MID2: variants seen among roughly 807,000 people sequenced by gnomAD.
MID2 encodes midline 2.
In MID2, 13 loss-of-function variants were observed where a neutral mutation model predicts 46.1. That is an observed-to-expected ratio of 0.28 (90% CI 0.18 to 0.45). The LOEUF (loss-of-function observed/expected upper bound fraction) is 0.45, where lower values mean the gene tolerates loss of function less well. MID2 is among the 20% of genes least tolerant of loss of function. The pLI, the probability that MID2 is intolerant of heterozygous loss-of-function variation, is 1.00. For missense variants in MID2, 431 were observed against 575.4 expected (o/e 0.75, Z 2.57); for synonymous variants, 199 against 212.3 (o/e 0.94, Z 0.55).
chrX:107,905,709 T>A, intron 5 of MID2, 83 bp downstream of exon 5: 1 of 820,916 alleles, frequency 1.2e-6, no homozygotes, highest in East Asian at 3.3e-5. Flanking sequence ...GGCATGTATC[T>A]AACAGCTGCC....
chrX:107,854,878 A>C (rs947330648), intron 3 of MID2, among the ~76,000 whole-genome samples, 174 bp downstream of exon 3: 4 of 111,973 alleles, frequency 3.6e-5, no homozygotes, highest in African/African-American at 1.3e-4. Context: ...TCAGAAACCT[A>C]TGGTTTAAAA....
At chrX:107,879,556 G>C (rs747639196) in intron 3 of MID2, among the ~76,000 whole-genome samples, 8 of 111,797 alleles carry the variant, frequency 7.2e-5, no homozygotes, top group African/African-American at 2.6e-4. Flanking sequence ...TGGGCACAGG[G>C]TGGTGGGCAG....
At chrX:107,853,815 C>T (rs1271974094) in intron 2 of MID2, among the ~76,000 whole-genome samples, 1 of 111,751 alleles carries the variant, frequency 8.9e-6, no homozygotes, top group Non-Finnish European at 1.9e-5. Flanking sequence ...TGCAGCAAAA[C>T]TGTGACTGAG....
At chrX:107,870,398 T>A (rs192622465) in intron 3 of MID2, among the ~76,000 whole-genome samples, 1 of 110,781 alleles carries the variant, frequency 9.0e-6, no homozygotes, top group African/African-American at 3.3e-5. Context: ...TGTGTGAGAA[T>A]GATTTGTTCT....
chrX:107,827,762 C>A (rs948743796), intron 1 of MID2, among the ~76,000 whole-genome samples: 1 of 97,435 alleles, frequency 1.0e-5, no homozygotes, highest in African/African-American at 3.7e-5. Flanking sequence ...ACCCTCACAT[C>A]CCCCTGTCTG....
At chrX:107,894,017 C>T (rs1470232745) in intron 3 of MID2, among the ~76,000 whole-genome samples, 2 of 108,767 alleles carry the variant, frequency 1.8e-5, no homozygotes, top group East Asian at 5.6e-4. Context: ...TCAGCCTTCA[C>T]CTCCTTTAAG....
chrX:107,882,730 T>C (rs1311102984), intron 3 of MID2, among the ~76,000 whole-genome samples: 2 of 111,657 alleles, frequency 1.8e-5, no homozygotes, highest in Non-Finnish European at 3.8e-5. Flanking sequence ...TGTGGAGAAA[T>C]AGGAACACTT....
intron 1 of MID2, among the ~76,000 whole-genome samples, chrX:107,837,021 A>G (rs918724784): frequency 9.9e-5 from 11 of 111,499 alleles, no homozygotes; most frequent in African/African-American, 3.3e-4. Context: ...AAAAATGCAT[A>G]TATGACATAC....
At chrX:107,871,253 G>A (rs1322681491) in intron 3 of MID2, among the ~76,000 whole-genome samples, 1 of 111,770 alleles carries the variant, frequency 8.9e-6, no homozygotes, top group African/African-American at 3.3e-5. Context: ...TGGAGTGCAC[G>A]GGTGCTAGAA....
At chrX:107,867,013 G>A (rs1420136751) in intron 3 of MID2, among the ~76,000 whole-genome samples, 1 of 112,402 alleles carries the variant, frequency 8.9e-6, no homozygotes, top group East Asian at 2.8e-4. Context: ...GACTAGAGAG[G>A]CATGGAGGGA....
Position 107,924,318 on chromosome X carries a change from G to T in MID2, c.1436-25G>T, listed in dbSNP as rs776177397. 9 of 1,189,647 alleles carry T rather than the reference G, an allele frequency of 7.6e-6. No individual in the cohort carries two copies. In the Admixed American group the frequency reaches 1.8e-4, roughly 23 times the overall value. On this transcript the variant is annotated intron_variant, in intron 7 of 9. Coordinates refer to ENST00000262843, the MANE Select transcript of MID2 (RefSeq NM_012216.4). ...CTGTCTCTCTTACCTGCTGGTTAAT[G>T]TCCTTGTCTTTCCCCATGTTACAGG... is the stretch of plus-strand genomic sequence containing the variant.
intron 3 of MID2, among the ~76,000 whole-genome samples, chrX:107,877,908 T>C (rs1208272099): frequency 9.1e-6 from 1 of 109,877 alleles, no homozygotes; most frequent in Non-Finnish European, 1.9e-5. Flanking sequence ...ATGGGTCCTG[T>C]CAAACTTGCA....
Position 107,851,486 on chromosome X carries a change from G to A in MID2, c.721-3123G>A, listed in dbSNP as rs766822935. ...TTGGCCCAGACTTGCATTACCCTAC[G>A]GCCTTGAATAGTGCAGCCTTCTTCT... On this transcript the variant is annotated intron_variant, in intron 2 of 9. Coordinates refer to ENST00000262843, the MANE Select transcript of MID2 (RefSeq NM_012216.4). 5.8e-4 allele frequency among the ~76,000 whole-genome samples: 64 copies of A among 110,945 alleles called. No homozygotes were observed. In the Middle Eastern group the frequency reaches 0.014, roughly 24 times the overall value.
chrX:107,839,685 C>T (rs1931290359), intron 1 of MID2, among the ~76,000 whole-genome samples: 1 of 111,906 alleles, frequency 8.9e-6, no homozygotes, highest in South Asian at 3.7e-4. Context: ...ACCTCTTTTA[C>T]TCACTGATGC....
Position 107,917,660 on chromosome X carries a change from G to T in MID2, c.1356G>T (p.Trp452Cys). The T allele has an allele frequency of 8.3e-7, 1 of 1,212,042 alleles. No individual in the cohort carries two copies. The highest frequency in any genetic ancestry group is 1.1e-6 in the Non-Finnish European group (1 of 895,579). ...TGQANFISKS[W>C]CSWGLWPEIR... Reference sequence around the variant, plus strand: ...AGGCTAACTTCATCAGTAAGTCATGGTGTAGTTGGGGCCTGTGGCCAGAGA... The same window carrying T: ...AGGCTAACTTCATCAGTAAGTCATGTTGTAGTTGGGGCCTGTGGCCAGAGA... Residue 452 changes from tryptophan to cysteine, a missense_variant, in exon 7 of 10, where the codon TGG becomes TGT. Physicochemically the swap from Trp to Cys is radical, Grantham distance 215 (BLOSUM62 -2). Coordinates refer to ENST00000262843, the MANE Select transcript of MID2 (RefSeq NM_012216.4).
At chrX:107,914,629 A>C (rs1932940673) in intron 5 of MID2, among the ~76,000 whole-genome samples, 1 of 112,155 alleles carries the variant, frequency 8.9e-6, no homozygotes, top group Non-Finnish European at 1.9e-5. Context: ...ATTATTGCCA[A>C]GTGAATTTTT....
intron 8 of MID2, among the ~76,000 whole-genome samples, chrX:107,925,396 C>G (rs1301485853): frequency 8.9e-6 from 1 of 112,091 alleles, no homozygotes; most frequent in African/African-American, 3.2e-5. Flanking sequence ...AGCAACTGGT[C>G]CCTCAGTAAC....
intron 1 of MID2, among the ~76,000 whole-genome samples, chrX:107,834,282 A>C (rs990946459): frequency 3.6e-5 from 4 of 112,220 alleles, no homozygotes; most frequent in Non-Finnish European, 7.5e-5. Context: ...TATATATGGC[A>C]GTAACTAAAT....
intron 1 of MID2, among the ~76,000 whole-genome samples, chrX:107,834,519 A>G (rs1007624593): frequency 8.9e-6 from 1 of 112,312 alleles, no homozygotes; most frequent in African/African-American, 3.2e-5. Flanking sequence ...ACTTTTTGAA[A>G]TTGCAACAGT....
Sources: allele counts gnomAD v4.1 joint callset (sites outside exome capture counted in the v4.1 genomes callset), GRCh38; gene constraint gnomAD v4.1.1; transcripts MANE v1.5; gene names NCBI Gene and HGNC (gene_info 2026-07-23, HGNC 2026-07-21).